Variants in GLCCI1 observed in about 807,000 individuals in gnomAD.
The protein encoded by GLCCI1 is glucocorticoid-induced transcript 1 protein.
In GLCCI1, 24 loss-of-function variants were observed where a neutral mutation model predicts 52.2. The ratio of observed to expected loss-of-function variants is 0.46; its 90% confidence interval spans 0.33 to 0.65. The LOEUF (loss-of-function observed/expected upper bound fraction) is 0.65, where lower values mean the gene tolerates loss of function less well. GLCCI1 is among the 30% of genes least tolerant of loss of function. The pLI, the probability that GLCCI1 is intolerant of heterozygous loss-of-function variation, is 0.02. For synonymous variants in GLCCI1, 310 were observed against 276.5 expected (o/e 1.12, Z -1.20); for missense variants, 704 against 701.5 (o/e 1.00, Z -0.04).
Position 8,086,069 on chromosome 7 carries a change from A to T in GLCCI1, c.1299-124A>T. ...CTATGGAAGATGTTTACCCCTCTGT[A>T]TACACTTAACCCATCTCCTGCCATT... On this transcript the variant is annotated intron_variant, in intron 7 of 7. Coordinates refer to ENST00000223145, the MANE Select transcript of GLCCI1 (RefSeq NM_138426.4). The surrounding 1 kb of genome is among the most constrained non-coding windows in gnomAD (Gnocchi z 4.4). The T allele has an allele frequency of 1.3e-6, 1 of 766,454 alleles. No individual in the cohort carries two copies. Among genetic ancestry groups the T allele is most frequent in the East Asian group, 2.5e-5 (1 of 40,376 alleles). 47.5% of individuals were successfully genotyped at this position (766,454 alleles called of 1,614,324 possible). A position where few individuals can be genotyped will look rare whatever the true frequency, so the allele number is the denominator to read the frequency against.
At chr7:7,974,177 AT>A in intron 1 of GLCCI1, among the ~76,000 whole-genome samples, 1 of 152,186 alleles carries the variant, frequency 6.6e-6, no homozygotes, top group South Asian at 2.1e-4. Flanking sequence ...TTACAGAACT[AT>A]TTTTTTCCAT....
chr7:7,995,399 A>T (rs1400963459), intron 1 of GLCCI1, among the ~76,000 whole-genome samples: 13 of 152,030 alleles, frequency 8.6e-5, no homozygotes, highest in African/African-American at 3.1e-4. Context: ...AGCCCCAAAT[A>T]CTCGGGAAGC....
chr7:8,079,272 T>TA (rs1271680303), intron 6 of GLCCI1, among the ~76,000 whole-genome samples: 2 of 64,904 alleles, frequency 3.1e-5, no homozygotes, highest in African/African-American at 9.5e-5. Flanking sequence ...ATGAACAATA[T>TA]GTTCTGTTTT....
chr7:7,993,407 C>T (rs184857185), intron 1 of GLCCI1, among the ~76,000 whole-genome samples: 2 of 152,244 alleles, frequency 1.3e-5, no homozygotes, highest in Admixed American at 1.3e-4. Flanking sequence ...TTTCTCTTTA[C>T]TGTTGGATTC....
chr7:8,022,822 G>A (rs17142053), intron 3 of GLCCI1: 10,117 of 196,724 alleles, frequency 0.051, 429 homozygotes, highest in East Asian at 0.18. Context: ...TGTATTTTGC[G>A]TCTTTTATAA....
chr7:7,981,514 G>A, intron 1 of GLCCI1: 1 of 192,466 alleles, frequency 5.2e-6, no homozygotes. Flanking sequence ...GTAAAGACAG[G>A]GTTTTGCCAT....
chr7:7,977,209 C>T (rs1009668004), intron 1 of GLCCI1, among the ~76,000 whole-genome samples: 4 of 152,126 alleles, frequency 2.6e-5, no homozygotes, highest in Non-Finnish European at 5.9e-5. Context: ...AAGACATAAA[C>T]GAACTCCTTG....
At chr7:8,046,396 T>G (rs2127956336) in intron 3 of GLCCI1, among the ~76,000 whole-genome samples, 1 of 152,324 alleles carries the variant, frequency 6.6e-6, no homozygotes, top group South Asian at 2.1e-4. Flanking sequence ...CATGCCTCTT[T>G]ATGCCCTCCT....
chr7:8,086,500 G>A lies in GLCCI1; in HGVS notation c.1606G>A (p.Glu536Lys). 6.2e-7 allele frequency: 1 copy of A among 1,613,640 alleles called. No homozygotes were observed. Among genetic ancestry groups the A allele is most frequent in the Non-Finnish European group, 8.5e-7 (1 of 1,179,788 alleles). Residue 536 changes from glutamate (E) to lysine (K), a missense_variant, in exon 8 of 8, where the codon GAG (glutamate) becomes AAG (lysine). By Grantham distance (56) the Glu-to-Lys change is moderately conservative. Transcript: ENST00000223145. The surrounding 1 kb of genome is among the most constrained non-coding windows in gnomAD (Gnocchi z 4.4). ...QQQLLQELQG[E>K]DHISAQNYVI... ...GCAGCTCCTGCAGGAACTGCAGGGT[G>A]AGGACCACATCTCTGCTCAGAACTA...
chr7:8,061,379 C>T (rs369499270), intron 5 of GLCCI1, among the ~76,000 whole-genome samples: 1 of 152,096 alleles, frequency 6.6e-6, no homozygotes, highest in Non-Finnish European at 1.5e-5. Flanking sequence ...GGATTACAGG[C>T]GTGAGCCACT....
chr7:8,070,808 A>G, intron 5 of GLCCI1, 113 bp from the exon 6 acceptor site: 1 of 882,616 alleles, frequency 1.1e-6, no homozygotes, highest in South Asian at 1.7e-5. Flanking sequence ...GCCTTTGAAG[A>G]ATAAACTGGG....
chr7:8,027,461 C>T (rs1428935652), intron 3 of GLCCI1, among the ~76,000 whole-genome samples: 2 of 152,052 alleles, frequency 1.3e-5, no homozygotes, highest in South Asian at 2.1e-4. Context: ...GTACTCCTGC[C>T]TGGGTAACAG....
At chr7:8,010,699 A>G (rs1173369673) in intron 2 of GLCCI1, among the ~76,000 whole-genome samples, 1 of 152,226 alleles carries the variant, frequency 6.6e-6, no homozygotes, top group Non-Finnish European at 1.5e-5. Flanking sequence ...ATAGAAGGAC[A>G]TGAATAGTAG....
In GLCCI1 at chr7:7,977,600, A is replaced by G. The variant is rs528338265; in HGVS notation, c.457+7793A>G. Among the ~76,000 whole-genome samples the G allele has an allele frequency of 1.5e-4, 23 of 152,282 alleles. No individual in the cohort carries two copies. In the East Asian group the frequency reaches 4.4e-3, roughly 29 times the overall value. On this transcript the variant is annotated intron_variant, in intron 1 of 7. Coordinates refer to ENST00000223145, the MANE Select transcript of GLCCI1 (RefSeq NM_138426.4). ...TTTGACATTTGTCTTATGACAAGCC[A>G]CTAACTCTGCATCTTATCTTCTGTG...
intron 3 of GLCCI1, among the ~76,000 whole-genome samples, chr7:8,041,362 A>C (rs1195041571): frequency 6.6e-6 from 1 of 152,236 alleles, no homozygotes; most frequent in Non-Finnish European, 1.5e-5. Flanking sequence ...AGCCATATCT[A>C]TAAAGTGCAA....
Position 8,087,615 on chromosome 7 carries a change from C to A in GLCCI1, c.*1077C>A, listed in dbSNP as rs949698945. 1.1e-4 allele frequency: 16 copies of A among 152,102 alleles called. No homozygotes were observed. The highest frequency in any genetic ancestry group is 2.6e-4 in the Admixed American group (4 of 15,260). The allele number at this position is 152,102 out of a possible 1,614,324, so 9.4% of individuals were successfully genotyped here. On this transcript the variant is annotated 3_prime_UTR_variant, in exon 8 of 8. Transcript: ENST00000223145. ...ATATTTAGTTTCTCCCTTGGAAATT[C>A]TTTATTTTGCAGGTGAAAAAGTGAC...
At chr7:8,068,224 C>T (rs1242401299) in intron 5 of GLCCI1, among the ~76,000 whole-genome samples, 2 of 152,090 alleles carry the variant, frequency 1.3e-5, no homozygotes, top group South Asian at 4.2e-4. Context: ...GTGGTGGGCA[C>T]CTATAATCCC....
intron 1 of GLCCI1, among the ~76,000 whole-genome samples, chr7:7,976,723 G>A (rs1241860265): frequency 1.1e-4 from 16 of 151,548 alleles, no homozygotes; most frequent in African/African-American, 3.9e-4. Flanking sequence ...ACCAACCTGA[G>A]CAACATGACA....
intron 3 of GLCCI1, among the ~76,000 whole-genome samples, chr7:8,038,206 C>T (rs1456069287): frequency 6.6e-6 from 1 of 152,054 alleles, no homozygotes; most frequent in Non-Finnish European, 1.5e-5. Flanking sequence ...AAAATTGCCA[C>T]CTACATATTC....
Sources: gnomAD v4.1 joint callset for allele counts (sites outside exome capture counted in the v4.1 genomes callset) on GRCh38, gnomAD v4.1.1 for gene constraint, Gnocchi (gnomAD v3.1) non-coding constraint, MANE v1.5 for transcripts, NCBI Gene and HGNC (gene_info 2026-07-23, HGNC 2026-07-21) for gene names.